The following UNC5B variants were observed in gnomAD, a reference collection of about 807,000 sequenced individuals.
The protein encoded by UNC5B is unc-5 netrin receptor B, also known as netrin receptor UNC5B.
A neutral mutation model predicts 103.7 loss-of-function variants in UNC5B; 56 were observed. The observed-to-expected ratio is 0.54, with a 90% CI of 0.44 to 0.67. The LOEUF is 0.67. Among genes scored for constraint, UNC5B ranks in the 30% least tolerant of loss-of-function variants. UNC5B has a pLI of 0.00. For missense variants in UNC5B, 1,194 were observed against 1,284.5 expected (o/e 0.93, Z 1.08); for synonymous variants, 577 against 542.0 (o/e 1.06, Z -0.90).
chr10:71,241,310 A>G (rs548367934), intron 1 of UNC5B, among the ~76,000 whole-genome samples: 196 of 152,274 alleles, frequency 1.3e-3, no homozygotes, highest in Middle Eastern at 3.4e-3. Context: ...AGGCCCCCCC[A>G]GAGAGTCTGT....
At chr10:71,289,453 A>G (rs1197041183) in intron 8 of UNC5B, among the ~76,000 whole-genome samples, 1 of 152,136 alleles carries the variant, frequency 6.6e-6, no homozygotes, top group Non-Finnish European at 1.5e-5. Context: ...CAAGCCTCCC[A>G]AATTGTCTCT....
chr10:71,297,888 T>C (rs929258264), intron 15 of UNC5B, 21 bp from the exon 16 acceptor site: 13 of 1,602,940 alleles, frequency 8.1e-6, no homozygotes, highest in Non-Finnish European at 1.1e-5. Context: ...CCCCTCTCAC[T>C]CTTGGCCCCC....
chr10:71,275,638 C>T (rs1164270821), intron 1 of UNC5B, among the ~76,000 whole-genome samples: 1 of 152,120 alleles, frequency 6.6e-6, no homozygotes, highest in Non-Finnish European at 1.5e-5. Context: ...TAGCTCTATG[C>T]CAGTCACTTA....
At chr10:71,277,979 CA>C (rs1265952325) in intron 1 of UNC5B, among the ~76,000 whole-genome samples, 4 of 152,296 alleles carry the variant, frequency 2.6e-5, no homozygotes, top group African/African-American at 9.6e-5. Context: ...CTACGTAGAT[CA>C]ATGATAGGTG....
intron 2 of UNC5B, among the ~76,000 whole-genome samples, chr10:71,283,932 C>T (rs1452956091): frequency 6.6e-6 from 1 of 152,158 alleles, no homozygotes; most frequent in African/African-American, 2.4e-5. Flanking sequence ...GTGCTGAGCC[C>T]CCTTTCTGTG....
intron 1 of UNC5B, among the ~76,000 whole-genome samples, chr10:71,269,251 T>C (rs1333698950): frequency 6.6e-6 from 1 of 151,868 alleles, no homozygotes; most frequent in Non-Finnish European, 1.5e-5. Context: ...CTTTTTTTTT[T>C]CTAGATTGTT....
At chr10:71,225,677 G>A (rs1001448764) in intron 1 of UNC5B, among the ~76,000 whole-genome samples, 11 of 152,216 alleles carry the variant, frequency 7.2e-5, no homozygotes, top group Admixed American at 7.2e-4. Flanking sequence ...GAGAGTTAGA[G>A]TTTTCTTCTC....
intron 11 of UNC5B, among the ~76,000 whole-genome samples, chr10:71,292,775 T>A (rs1845299978): frequency 6.6e-6 from 1 of 152,262 alleles, no homozygotes; most frequent in Admixed American, 6.5e-5. Context: ...AAGGGCTGAA[T>A]ATCCTTACTA....
At chr10:71,236,471 GCCC>G (rs1482754706) in intron 1 of UNC5B, among the ~76,000 whole-genome samples, 1 of 152,158 alleles carries the variant, frequency 6.6e-6, no homozygotes, top group African/African-American at 2.4e-5. Flanking sequence ...GGATTCCTGA[GCCC>G]CCCTTCAGAG....
chr10:71,271,281 G>C (rs1195590696), intron 1 of UNC5B, among the ~76,000 whole-genome samples: 1 of 152,222 alleles, frequency 6.6e-6, no homozygotes, highest in South Asian at 2.1e-4. Context: ...AGCTTCGCAG[G>C]GTCATTGTGT....
chr10:71,227,747 T>C (rs57403807), intron 1 of UNC5B, among the ~76,000 whole-genome samples: 4,732 of 102,470 alleles, frequency 0.046, 137 homozygotes, highest in East Asian at 0.13. Context: ...CACACACACA[T>C]ACATACCCTA....
intron 1 of UNC5B, among the ~76,000 whole-genome samples, chr10:71,228,273 C>T (rs563955823): frequency 4.6e-4 from 70 of 152,020 alleles, no homozygotes; most frequent in Non-Finnish European, 8.1e-4. Context: ...TGGGTAAATT[C>T]CTTTTTAAAC....
Position 71,284,842 on chromosome 10 carries a change from C to T in UNC5B, c.427C>T (p.Arg143Ter), listed in dbSNP as rs763912511. The change falls in exon 3 of 17, where the codon CGA becomes TGA. Residue 143 changes from arginine (R) to a stop codon, truncating the protein, a stop_gained. Coordinates refer to ENST00000335350, the MANE Select transcript of UNC5B (RefSeq NM_170744.5). LOFTEE classifies it high-confidence loss of function. Reference sequence around the variant, plus strand: ...CTCCGCGGGCACCACCAAGAGTCGCCGAGCCTACGTCCGCATCGCCTGTAC... The same window carrying T: ...CTCCGCGGGCACCACCAAGAGTCGCTGAGCCTACGTCCGCATCGCCTGTAC... Reference protein sequence around the residue: ...WSSAGTTKSRRAYVRIAYLRK... With the variant: ...WSSAGTTKSR 3.7e-6 allele frequency: 6 copies of T among 1,610,886 alleles called. No homozygotes were observed. Among genetic ancestry groups the T allele is most frequent in the Admixed American group, 3.3e-5 (2 of 59,886 alleles).
chr10:71,214,928 G>C (rs559013968), intron 1 of UNC5B, among the ~76,000 whole-genome samples: 3 of 152,170 alleles, frequency 2.0e-5, no homozygotes, highest in Non-Finnish European at 4.4e-5. Flanking sequence ...TCTCACCAGC[G>C]AGCAGAAGCG....
chr10:71,286,935 G>A (rs1181728900), intron 5 of UNC5B, 66 bp downstream of exon 5: 2 of 1,572,072 alleles, frequency 1.3e-6, no homozygotes, highest in Non-Finnish European at 1.7e-6. Flanking sequence ...CCTGGGGGTA[G>A]GGGGGACCCC....
chr10:71,255,930 C>G (rs1316550935), intron 1 of UNC5B, among the ~76,000 whole-genome samples: 1 of 152,208 alleles, frequency 6.6e-6, no homozygotes, highest in Non-Finnish European at 1.5e-5. Flanking sequence ...TGCTCTGAGC[C>G]CCCACGGTGG....
In UNC5B at chr10:71,237,937, G is replaced by T. The variant is rs74145379; in HGVS notation, c.79+24873G>T. Among the ~76,000 whole-genome samples the T allele has an allele frequency of 5.4e-3, 816 of 152,270 alleles. 5 individuals carry two copies. The highest frequency in any genetic ancestry group is 0.019 in the African/African-American group (786 of 41,556). On this transcript the variant is annotated intron_variant, in intron 1 of 16. Transcript: ENST00000335350. ...GGGAAGATGAGGAAGGTGGGGAGAG[G>T]CTCCTGTCAGGCAGGTAATTGGGGA...
At chr10:71,278,939 G>A (rs1374906755) in intron 1 of UNC5B, among the ~76,000 whole-genome samples, 8 of 152,352 alleles carry the variant, frequency 5.3e-5, no homozygotes, top group East Asian at 1.9e-4. Context: ...GGTTTCCCCC[G>A]CTTCTGGGCA....
intron 1 of UNC5B, among the ~76,000 whole-genome samples, chr10:71,222,039 G>A (rs116656606): frequency 8.5e-5 from 13 of 152,142 alleles, no homozygotes; most frequent in African/African-American, 2.4e-4. Context: ...CATGTATTGC[G>A]TGGAACGAAG....
Sources: gnomAD v4.1 joint callset for allele counts (sites outside exome capture counted in the v4.1 genomes callset) on GRCh38, gnomAD v4.1.1 for gene constraint, MANE v1.5 for transcripts, NCBI Gene and HGNC (gene_info 2026-07-23, HGNC 2026-07-21) for gene names.